Variants in ODF2L observed in about 807,000 individuals in gnomAD.
ODF2L encodes protein BCAP.
Under a neutral mutation model 86.3 loss-of-function variants are expected in ODF2L, and 76 were observed. That is an observed-to-expected ratio of 0.88 (90% CI 0.73 to 1.07). The LOEUF (loss-of-function observed/expected upper bound fraction) is 1.07, where lower values mean the gene tolerates loss of function less well. ODF2L is among the 50% of genes least tolerant of loss of function. The pLI is 0.00. For missense variants in ODF2L, 748 were observed against 717.4 expected (o/e 1.04, Z -0.49); for synonymous variants, 241 against 231.3 (o/e 1.04, Z -0.38).
At chr1:86,390,160 C>T (rs1346854856) in intron 1 of ODF2L, among the ~76,000 whole-genome samples, 4 of 152,196 alleles carry the variant, frequency 2.6e-5, no homozygotes, top group Admixed American at 6.5e-5. Context: ...TGGTGGCTCA[C>T]GCCTGTAATC....
At chr1:86,349,520 CA>C (rs1245339720), downstream of ODF2L, 6 of 152,122 alleles carry the variant, frequency 3.9e-5, no homozygotes, top group Admixed American at 3.9e-4. Flanking sequence ...TCCTTCATAT[CA>C]GGTGTTCAAT....
exon 18 of ODF2L, chr1:86,352,148 G>C (rs764836366): frequency 6.7e-7 from 1 of 1,494,234 alleles, no homozygotes; most frequent in African/African-American, 1.4e-5. Flanking sequence ...GAATCTTTTA[G>C]GTTTTCAACT....
chr1:86,355,079 C>A (rs1163519608), intron 14 of ODF2L: 24 of 534,634 alleles, frequency 4.5e-5, no homozygotes, highest in Non-Finnish European at 7.6e-5. Flanking sequence ...GGAAAATAAC[C>A]AACTAAAAAA....
exon 5 of ODF2L, chr1:86,383,147 T>C: frequency 6.4e-7 from 1 of 1,574,224 alleles, no homozygotes; most frequent in Non-Finnish European, 8.7e-7. Flanking sequence ...ATTTTCACTT[T>C]CATTATCAGT....
intron 2 of ODF2L, 78 bp downstream of exon 2, chr1:86,386,837 C>A (rs778734478): frequency 2.3e-5 from 16 of 703,064 alleles, no homozygotes; most frequent in Non-Finnish European, 3.7e-5. Flanking sequence ...GTATTTGATT[C>A]AAATAATTTA....
downstream of ODF2L, chr1:86,349,453 T>C (rs1657981146): frequency 6.6e-6 from 1 of 152,176 alleles, no homozygotes; most frequent in Admixed American, 6.5e-5. Context: ...GTTGCAAATA[T>C]CATCTAGCCT....
At chr1:86,363,722 T>A (rs1239061566) in intron 11 of ODF2L, among the ~76,000 whole-genome samples, 2 of 151,982 alleles carry the variant, frequency 1.3e-5, no homozygotes, top group African/African-American at 4.8e-5. Flanking sequence ...ACTCCAGTTA[T>A]CTTTCAGTTA....
chr1:86,389,190 A>G (rs1661145996), intron 1 of ODF2L, among the ~76,000 whole-genome samples: 1 of 152,256 alleles, frequency 6.6e-6, no homozygotes, highest in Non-Finnish European at 1.5e-5. Context: ...ACATTTCACA[A>G]TAAAATGTTT....
intron 7 of ODF2L, among the ~76,000 whole-genome samples, chr1:86,379,265 C>A (rs937361992): frequency 2.0e-5 from 3 of 152,086 alleles, no homozygotes; most frequent in African/African-American, 7.2e-5. Flanking sequence ...TTAAAATGGC[C>A]TAATACAATA....
At chr1:86,355,046 A>G (rs1658431856) in intron 14 of ODF2L, 187 bp from the exon 14 acceptor site, 2 of 556,674 alleles carry the variant, frequency 3.6e-6, no homozygotes, top group Admixed American at 6.9e-5. Flanking sequence ...GGTTAAATTT[A>G]AAGAAGTTAT....
intron 1 of ODF2L, among the ~76,000 whole-genome samples, chr1:86,394,770 T>C (rs1249223499): frequency 1.3e-5 from 2 of 151,900 alleles, no homozygotes; most frequent in African/African-American, 2.4e-5. Context: ...GATCATGACA[T>C]TCTTACTATA....
chr1:86,352,266 G>A (rs973131809), intron 17 of ODF2L: 104 of 1,409,658 alleles, frequency 7.4e-5, no homozygotes, highest in South Asian at 3.6e-4. Flanking sequence ...CAGTTATTAC[G>A]TAATTTAATC....
Position 86,372,210 on chromosome 1 carries a change from A to G in ODF2L, c.920+221T>C, listed in dbSNP as rs145026657. 1.3e-3 allele frequency among the ~76,000 whole-genome samples: 194 copies of G among 152,074 alleles called. 1 individual carries two copies. Among genetic ancestry groups the G allele is most frequent in the African/African-American group, 4.3e-3 (177 of 41,532 alleles). On this transcript the variant is annotated intron_variant, in intron 9 of 17. Transcript: ENST00000317336. ...CTCAAAAAAAAAAAAAAAATTAAAA[A>G]TGTGAACACCAATTCACTTTTAATG...
At chr1:86,375,302 T>C (rs1386778082) in intron 8 of ODF2L, among the ~76,000 whole-genome samples, 1 of 152,118 alleles carries the variant, frequency 6.6e-6, no homozygotes, top group East Asian at 1.9e-4. Context: ...TGCAAAAATA[T>C]ATTTTCTCAT....
chr1:86,358,995 C>A, intron 12 of ODF2L, 104 bp from the exon 12 acceptor site: 1 of 583,952 alleles, frequency 1.7e-6, no homozygotes, highest in South Asian at 2.4e-5. Context: ...ATTTTCCTAT[C>A]AATATCCTTG....
chr1:86,362,669 C>T (rs1659126604), intron 11 of ODF2L, among the ~76,000 whole-genome samples: 1 of 151,878 alleles, frequency 6.6e-6, no homozygotes. Context: ...ATTTTCTTTT[C>T]TTTTCTTTTT....
chr1:86,352,989 A>AG lies in ODF2L; in HGVS notation c.1768-6_1768-5insC. The AG allele has an allele frequency of 1.3e-6, 2 of 1,492,594 alleles. No homozygotes were observed. The highest frequency in any genetic ancestry group is 1.8e-6 in the Non-Finnish European group (2 of 1,086,360). 92.5% of individuals were successfully genotyped at this position (1,492,594 alleles called of 1,614,324 possible). A position where few individuals can be genotyped will look rare whatever the true frequency, so the allele number is the denominator to read the frequency against. Reference sequence around the variant, plus strand: ...TTTCTCTATTTCTTCAGCAACCTGTAATTTTTATCAAAAGAGTAAAATAAA... The same window carrying AG: ...TTTCTCTATTTCTTCAGCAACCTGTAGATTTTTATCAAAAGAGTAAAATAAA... On this transcript the variant is annotated splice_polypyrimidine_tract_variant and splice_region_variant and intron_variant, in intron 16 of 17. Transcript: ENST00000317336.
chr1:86,383,340 G>A (rs1277401720), intron 4 of ODF2L, 144 bp from the exon 5 acceptor site: 1 of 487,356 alleles, frequency 2.1e-6, no homozygotes, highest in East Asian at 3.5e-5. Context: ...AAAGATTTTT[G>A]CCCTAGTATT....
chr1:86,386,370 A>AT (rs76709100), intron 2 of ODF2L: 46,711 of 151,510 alleles, frequency 0.31, 7,554 homozygotes, highest in Admixed American at 0.35. Flanking sequence ...TGAGGTTTTC[A>AT]TTTTTTTTGT....
Sources: allele counts gnomAD v4.1 joint callset (sites outside exome capture counted in the v4.1 genomes callset), GRCh38; gene constraint gnomAD v4.1.1; transcripts MANE v1.5; gene names NCBI Gene and HGNC (gene_info 2026-07-23, HGNC 2026-07-21).